Variants in CNTNAP5 observed in about 807,000 individuals in gnomAD.
The protein encoded by CNTNAP5 is contactin associated protein family member 5.
In CNTNAP5, 72 loss-of-function variants were observed where a neutral mutation model predicts 150.2. The observed-to-expected ratio is 0.48, with a 90% CI of 0.40 to 0.58. The LOEUF (loss-of-function observed/expected upper bound fraction) is 0.58. CNTNAP5 is among the 20% of genes least tolerant of loss of function. The probability of loss-of-function intolerance (pLI) is 0.00; values close to 1 mark genes in which losing one functional copy is unlikely to be tolerated. For missense variants in CNTNAP5, 1,636 were observed against 1,626.2 expected, an observed-to-expected ratio of 1.01 and a Z score of -0.10; for synonymous variants, 672 against 619.8, an observed-to-expected ratio of 1.08 and a Z score of -1.25.
chr2:124,521,480 C>T (rs1030309086), intron 8 of CNTNAP5, among the ~76,000 whole-genome samples: 1 of 152,128 alleles, frequency 6.6e-6, no homozygotes, highest in African/African-American at 2.4e-5. Context: ...GAGGACAGGA[C>T]CCACAATCAC....
chr2:124,556,356 C>A (rs908757622), intron 10 of CNTNAP5, among the ~76,000 whole-genome samples: 1 of 152,010 alleles, frequency 6.6e-6, no homozygotes, highest in Non-Finnish European at 1.5e-5. Context: ...TTTCAAGCTT[C>A]TTGGCCAGGG....
chr2:124,408,187 A>T (rs565507912), intron 3 of CNTNAP5, among the ~76,000 whole-genome samples: 1 of 152,090 alleles, frequency 6.6e-6, no homozygotes, highest in Non-Finnish European at 1.5e-5. Flanking sequence ...GGCTTAAAAA[A>T]CGGCACACCA....
chr2:124,361,620 CG>C lies in CNTNAP5; in HGVS notation c.382-55818del, dbSNP rs1477005776. On this transcript the variant is annotated intron_variant, in intron 3 of 23. Transcript: ENST00000682447. ...GGGGATGCCTCCCAGTTAGGCTGCT[CG>C]GGGGTCAGGGGTCAGGGACCCACTT... Among the ~76,000 whole-genome samples the C allele has an allele frequency of 1.7e-4, 24 of 139,234 alleles. 1 individual carries two copies. The South Asian group carries it at 5.2e-3, about 30-fold the overall frequency. 91.3% of individuals were successfully genotyped at this position (139,234 alleles called of 152,430 possible).
Position 124,247,743 on chromosome 2 carries a change from AAGAG to A in CNTNAP5, c.381+5356_381+5359del, listed in dbSNP as rs575025746. 3.4e-3 allele frequency among the ~76,000 whole-genome samples: 518 copies of A among 152,242 alleles called. 3 individuals are homozygous for A. The highest frequency in any genetic ancestry group is 1.6e-3 in the Non-Finnish European group (108 of 68,006). ...TGGTTAGTGATAGAAAATGAATTTG[AAGAG>A]AGAGACTGGATAGATATTGTAGACT... On this transcript the variant is annotated intron_variant, in intron 3 of 23. Transcript: ENST00000682447.
intron 3 of CNTNAP5, among the ~76,000 whole-genome samples, chr2:124,260,811 C>A (rs185136924): frequency 1.3e-5 from 2 of 152,232 alleles, no homozygotes; most frequent in African/African-American, 4.8e-5. Context: ...CCATCCAATG[C>A]AAAATATGTG....
At chr2:124,623,695 T>G (rs1168158853) in intron 12 of CNTNAP5, among the ~76,000 whole-genome samples, 2 of 152,196 alleles carry the variant, frequency 1.3e-5, no homozygotes, top group Admixed American at 6.5e-5. Flanking sequence ...CTTTTGCCTT[T>G]CCTTGGAAAC....
chr2:124,847,166 G>A (rs776163642), intron 19 of CNTNAP5, among the ~76,000 whole-genome samples: 9 of 152,100 alleles, frequency 5.9e-5, no homozygotes, highest in Non-Finnish European at 1.0e-4. Context: ...TGGGGAGCAG[G>A]GCCATAGAGC....
chr2:124,649,193 T>C (rs983211971), intron 13 of CNTNAP5, among the ~76,000 whole-genome samples: 1 of 152,196 alleles, frequency 6.6e-6, no homozygotes, highest in Non-Finnish European at 1.5e-5. Flanking sequence ...GCATCAGCAT[T>C]GTGAAAATCA....
chr2:124,518,447 G>A (rs970738764), intron 8 of CNTNAP5, among the ~76,000 whole-genome samples: 3 of 152,158 alleles, frequency 2.0e-5, no homozygotes, highest in Non-Finnish European at 2.9e-5. Flanking sequence ...TTTGAAGTTG[G>A]TATTGTTAAA....
intron 3 of CNTNAP5, among the ~76,000 whole-genome samples, chr2:124,247,309 C>T (rs2104775085): frequency 6.6e-6 from 1 of 151,034 alleles, no homozygotes; most frequent in African/African-American, 2.4e-5. Flanking sequence ...AAGCACTGTG[C>T]AAGGTGCTAG....
chr2:124,559,045 CCATGAACAG>C (rs1375019344), intron 10 of CNTNAP5, among the ~76,000 whole-genome samples: 8 of 152,252 alleles, frequency 5.3e-5, no homozygotes, highest in South Asian at 2.1e-4. Flanking sequence ...TTCATATTTC[CCATGAACAG>C]CAAAACACAG....
intron 13 of CNTNAP5, among the ~76,000 whole-genome samples, chr2:124,742,638 A>C (rs773880351): frequency 9.4e-5 from 14 of 148,402 alleles, no homozygotes; most frequent in Admixed American, 1.3e-4. Flanking sequence ...ACACACACAC[A>C]CACACACACA....
chr2:124,376,212 G>A (rs765816638), intron 3 of CNTNAP5, among the ~76,000 whole-genome samples: 14 of 152,000 alleles, frequency 9.2e-5, no homozygotes, highest in South Asian at 2.1e-4. Context: ...GAATTCAGGC[G>A]AAATAAAATA....
chr2:124,706,887 G>GGAAGAGGAAGAAGGAGAAGAA (rs1558743198), intron 13 of CNTNAP5, among the ~76,000 whole-genome samples: 1 of 83,350 alleles, frequency 1.2e-5, no homozygotes, highest in Admixed American at 1.3e-4. Context: ...AAGAAGAAGA[G>GGAAGAGGAAGAAGGAGAAGAA]GAAGAGGAAG....
intron 2 of CNTNAP5, among the ~76,000 whole-genome samples, chr2:124,229,121 G>A (rs896606888): frequency 4.6e-5 from 7 of 152,090 alleles, no homozygotes; most frequent in Non-Finnish European, 7.3e-5. Context: ...GAAAGTGTGC[G>A]TAACTGATCA....
At position 124,253,833 on chromosome 2, in the gene CNTNAP5, TC is replaced by T. The variant is rs368137451; in HGVS notation, c.381+11442del. Among the ~76,000 whole-genome samples the T allele has an allele frequency of 3.8e-3, 583 of 152,126 alleles. 4 individuals carry two copies. Among genetic ancestry groups the T allele is most frequent in the African/African-American group, 0.014 (564 of 41,484 alleles). The stretch of plus-strand genomic sequence containing the variant: ...TGCTGGCAGCAACCTGTAACTGTAC[TC>T]CATGGATTTAGATAAGAAGATGATG... On this transcript the variant is annotated intron_variant, in intron 3 of 23. Coordinates refer to ENST00000682447, the MANE Select transcript of CNTNAP5 (RefSeq NM_001367498.1).
chr2:124,248,248 T>G (rs1460382964), intron 3 of CNTNAP5, among the ~76,000 whole-genome samples: 1 of 152,182 alleles, frequency 6.6e-6, no homozygotes, highest in Non-Finnish European at 1.5e-5. Context: ...GGGATATATC[T>G]AGAATCTTCC....
chr2:124,502,753 G>C (rs1033470081), intron 7 of CNTNAP5, among the ~76,000 whole-genome samples: 2 of 152,126 alleles, frequency 1.3e-5, no homozygotes, highest in South Asian at 2.1e-4. Context: ...TAAAACAACT[G>C]TGAGATACCA....
chr2:124,911,599 G>C lies in CNTNAP5; in HGVS notation c.3727+61G>C. 9 of 1,322,930 alleles carry C rather than the reference G, an allele frequency of 6.8e-6. No individual in the cohort carries two copies. In the South Asian group the frequency reaches 1.0e-4, roughly 15 times the overall value. The allele number at this position is 1,322,930 out of a possible 1,614,324, so 81.9% of individuals were successfully genotyped here. On this transcript the variant is annotated intron_variant, in intron 23 of 23. Coordinates refer to ENST00000682447, the MANE Select transcript of CNTNAP5 (RefSeq NM_001367498.1). ...TAAACGATCCTGTATTCTGGAGAAA[G>C]TTATCTGAAGCTTTCCTTAATTATG... is the stretch of plus-strand genomic sequence containing the variant.
Sources: allele counts gnomAD v4.1 joint callset (sites outside exome capture counted in the v4.1 genomes callset), GRCh38; gene constraint gnomAD v4.1.1; transcripts MANE v1.5; gene names NCBI Gene and HGNC (gene_info 2026-07-23, HGNC 2026-07-21).